The following SLC36A1 variants were observed in gnomAD, a reference collection of about 807,000 sequenced individuals.
SLC36A1 encodes the protein solute carrier family 36 member 1.
SLC36A1 carries 30 observed loss-of-function variants against 47.5 expected under a neutral mutation model. The observed-to-expected ratio is 0.63, with a 90% confidence interval of 0.47 to 0.86. The LOEUF (loss-of-function observed/expected upper bound fraction) is 0.86. SLC36A1 is among the 40% of genes least tolerant of loss of function. SLC36A1 has a pLI of 0.00. For synonymous variants in SLC36A1, 255 were observed against 249.7 expected (o/e 1.02, Z -0.20); for missense variants, 517 against 606.0 (o/e 0.85, Z 1.54).
At chr5:151,388,186 C>G in the SLC36A1 span, among the ~76,000 whole-genome samples, 1 of 152,092 alleles carries the variant, frequency 6.6e-6, no homozygotes, top group African/African-American at 2.4e-5. Context: ...AAGCTTGCTA[C>G]CTGGAGGAGG....
the SLC36A1 span, chr5:151,545,053 C>G: frequency 6.2e-7 from 1 of 1,614,092 alleles, no homozygotes; most frequent in Non-Finnish European, 8.5e-7. Context: ...AAACGCCACA[C>G]CTCTTGTCTG....
At chr5:151,430,528 G>A in the SLC36A1 span, among the ~76,000 whole-genome samples, 1 of 152,030 alleles carries the variant, frequency 6.6e-6, no homozygotes, top group Non-Finnish European at 1.5e-5. Context: ...GTTTCACCAT[G>A]TTGGTCAGGC....
At chr5:151,344,957 G>C in the SLC36A1 span, among the ~76,000 whole-genome samples, 29 of 152,080 alleles carry the variant, frequency 1.9e-4, no homozygotes, top group Non-Finnish European at 3.5e-4. Context: ...TCAGGGATTG[G>C]GCTCCAGAGG....
chr5:151,430,362 T>C, the SLC36A1 span, among the ~76,000 whole-genome samples: 1 of 133,782 alleles, frequency 7.5e-6, no homozygotes, highest in Non-Finnish European at 1.6e-5. Context: ...TGAGCCTCAC[T>C]CAGTCACCCA....
the SLC36A1 span, chr5:151,544,777 C>A: frequency 6.2e-7 from 1 of 1,614,132 alleles, no homozygotes; most frequent in Non-Finnish European, 8.5e-7. Context: ...GGGGTCAATT[C>A]GGAAATATGT....
the SLC36A1 span, chr5:151,542,505 A>T: frequency 6.2e-7 from 1 of 1,614,188 alleles, no homozygotes; most frequent in African/African-American, 1.3e-5. Flanking sequence ...AGGCCACCAC[A>T]TGAAAATGAT....
the SLC36A1 span, among the ~76,000 whole-genome samples, chr5:151,421,909 A>G: frequency 2.0e-5 from 3 of 152,212 alleles, no homozygotes; most frequent in Admixed American, 2.0e-4. Context: ...AGTTTTTAAA[A>G]GCATGTTTCA....
chr5:151,483,588 G>C (rs1759134747), intron 10 of SLC36A1, among the ~76,000 whole-genome samples: 1 of 151,562 alleles, frequency 6.6e-6, no homozygotes, highest in Non-Finnish European at 1.5e-5. Flanking sequence ...TATCTACCTT[G>C]TTGAGTGTCT....
the SLC36A1 span, among the ~76,000 whole-genome samples, chr5:151,350,642 AG>A: frequency 4.0e-5 from 6 of 151,796 alleles, no homozygotes; most frequent in African/African-American, 9.7e-5. Context: ...ATTAAAAAAA[AG>A]AGAATATTTC....
chr5:151,352,359 A>G, the SLC36A1 span, among the ~76,000 whole-genome samples: 23 of 152,186 alleles, frequency 1.5e-4, no homozygotes, highest in Admixed American at 1.5e-3. Context: ...CCCAGTTCTT[A>G]GGCCTGGCTC....
chr5:151,370,722 G>T, the SLC36A1 span, among the ~76,000 whole-genome samples: 1 of 152,188 alleles, frequency 6.6e-6, no homozygotes, highest in South Asian at 2.1e-4. Context: ...GCTGGGCGCG[G>T]CAGCTCACGC....
At chr5:151,507,137 TCTCTGGCTATA>T in the SLC36A1 span, 3 of 1,537,174 alleles carry the variant, frequency 2.0e-6, no homozygotes, top group Non-Finnish European at 2.6e-6. Flanking sequence ...AGGCTAAGCG[TCTCTGGCTATA>T]CTGACCCATC....
chr5:151,407,717 G>T, the SLC36A1 span, among the ~76,000 whole-genome samples: 7 of 152,174 alleles, frequency 4.6e-5, no homozygotes, highest in African/African-American at 7.2e-5. Flanking sequence ...TCTGGGGATG[G>T]AAGTTGGCCT....
the SLC36A1 span, chr5:151,378,199 C>A: frequency 3.8e-6 from 1 of 262,556 alleles, no homozygotes; most frequent in South Asian, 5.5e-5. Flanking sequence ...TAATCTTCTT[C>A]ATGAGACTGT....
chr5:151,496,681 G>A (rs935828914), downstream of SLC36A1, among the ~76,000 whole-genome samples: 1 of 152,092 alleles, frequency 6.6e-6, no homozygotes, highest in African/African-American at 2.4e-5. Flanking sequence ...TCAGCCTCTC[G>A]AGTAGCTGGG....
chr5:151,473,041 G>A (rs1315531040), intron 7 of SLC36A1, among the ~76,000 whole-genome samples: 4 of 152,104 alleles, frequency 2.6e-5, no homozygotes, highest in Non-Finnish European at 5.9e-5. Context: ...GTGGTGGCAC[G>A]CACCTGTAGT....
the SLC36A1 span, among the ~76,000 whole-genome samples, chr5:151,354,909 G>GA: frequency 6.6e-6 from 1 of 152,094 alleles, no homozygotes. Flanking sequence ...ATAATTACCA[G>GA]AAAAAAGGAG....
chr5:151,388,679 C>A, the SLC36A1 span, among the ~76,000 whole-genome samples: 1 of 107,154 alleles, frequency 9.3e-6, no homozygotes, highest in African/African-American at 6.0e-5. Context: ...AAATATTTTA[C>A]AGTTTGACTC....
chr5:151,431,176 GC>G, the SLC36A1 span: 3 of 152,294 alleles, frequency 2.0e-5, no homozygotes, highest in Non-Finnish European at 4.4e-5. Flanking sequence ...CTACAGGAGA[GC>G]ACAGATTTAG....
Sources: allele counts gnomAD v4.1 joint callset (sites outside exome capture counted in the v4.1 genomes callset), GRCh38; gene constraint gnomAD v4.1.1; transcripts MANE v1.5; gene names NCBI Gene and HGNC (gene_info 2026-07-23, HGNC 2026-07-21).